The following CNTN5 variants were observed in gnomAD, a reference collection of about 807,000 sequenced individuals.
The protein encoded by CNTN5 is contactin 5, also known as contactin-5.
A neutral mutation model predicts 129.1 loss-of-function variants in CNTN5; 77 were observed. The ratio of observed to expected loss-of-function variants is 0.60; its 90% CI spans 0.50 to 0.72. CNTN5 has a LOEUF of 0.72. Ranked by LOEUF, CNTN5 falls within the 30% of genes least tolerant of loss-of-function variation. The pLI is 0.00. For missense variants in CNTN5, 1,478 were observed against 1,328.8 expected (o/e 1.11, Z -1.75); for synonymous variants, 509 against 465.6 (o/e 1.09, Z -1.20).
intron 1 of CNTN5, among the ~76,000 whole-genome samples, chr11:99,043,516 C>T (rs939378923): frequency 6.6e-6 from 1 of 151,984 alleles, no homozygotes; most frequent in Non-Finnish European, 1.5e-5. Flanking sequence ...ATATATAATG[C>T]CTTATAATTG....
chr11:99,938,883 A>G (rs533520913), intron 7 of CNTN5, among the ~76,000 whole-genome samples: 2 of 152,226 alleles, frequency 1.3e-5, no homozygotes, highest in Admixed American at 1.3e-4. Context: ...GATTTGAAAA[A>G]TTTTAAACTG....
chr11:99,598,351 TCTCTCTCTCTCTCTCTCTCTCTCC>T (rs1269772558), intron 3 of CNTN5, among the ~76,000 whole-genome samples: 4 of 46,430 alleles, frequency 8.6e-5, no homozygotes, highest in Admixed American at 3.2e-4. Context: ...TCTCTCTCTC[TCTCTCTCTCTCTCTCTCTCTCTCC>T]CTCTCTCTCT....
At chr11:100,161,523 G>C (rs977281163) in intron 13 of CNTN5, among the ~76,000 whole-genome samples, 6 of 151,720 alleles carry the variant, frequency 4.0e-5, no homozygotes, top group African/African-American at 1.5e-4. Flanking sequence ...ATTCTTACTA[G>C]TAAATGCATA....
At chr11:100,305,471 A>G (rs1489240957) in intron 20 of CNTN5, among the ~76,000 whole-genome samples, 1 of 151,624 alleles carries the variant, frequency 6.6e-6, no homozygotes, top group Non-Finnish European at 1.5e-5. Flanking sequence ...AGAAGCCAGA[A>G]ATTCTTATTT....
chr11:99,655,131 G>T (rs953237524), intron 3 of CNTN5, among the ~76,000 whole-genome samples: 1 of 151,986 alleles, frequency 6.6e-6, no homozygotes, highest in Non-Finnish European at 1.5e-5. Context: ...AGAATTTGGG[G>T]TCTTCAAAAA....
In CNTN5 at chr11:100,115,786, T is replaced by C. The variant is rs183713539; in HGVS notation, c.1580+41492T>C. 3.9e-5 allele frequency among the ~76,000 whole-genome samples: 6 copies of C among 152,202 alleles called. No individual in the cohort carries two copies. In the East Asian group the frequency reaches 1.2e-3, roughly 29 times the overall value. On this transcript the variant is annotated intron_variant, in intron 13 of 24. Transcript: ENST00000524871. ...ATATGCCTGATTGGAAATAATTATT[T>C]AAATGGAAAATTAGATATTGTTTTT...
intron 18 of CNTN5, among the ~76,000 whole-genome samples, chr11:100,283,669 G>T (rs1300561401): frequency 2.6e-5 from 4 of 152,166 alleles, no homozygotes; most frequent in African/African-American, 9.7e-5. Flanking sequence ...CTCCGGGCCG[G>T]GCGCTGTGGC....
intron 3 of CNTN5, among the ~76,000 whole-genome samples, chr11:99,615,501 C>A (rs1371412473): frequency 6.6e-6 from 1 of 152,088 alleles, no homozygotes; most frequent in Non-Finnish European, 1.5e-5. Flanking sequence ...AGTGATATCC[C>A]TTCTTCTGAT....
rs376184326 is a variant in CNTN5 at position 99,966,260 on chromosome 11, C to T, written c.877+9251C>T. ...AGAAATTGAATTTTACTTAATAACTCTCTCTTATAAAATGTATTATCTTAG... is the reference window on the plus strand; with the variant it reads ...AGAAATTGAATTTTACTTAATAACTTTCTCTTATAAAATGTATTATCTTAG... On this transcript the variant is annotated intron_variant, in intron 8 of 24. Coordinates refer to ENST00000524871, the MANE Select transcript of CNTN5 (RefSeq NM_014361.4). Among the ~76,000 whole-genome samples, 11 of 152,290 alleles carry T rather than the reference C, an allele frequency of 7.2e-5. No homozygotes were observed. In the East Asian group the frequency reaches 1.9e-3, roughly 27 times the overall value.
intron 13 of CNTN5, among the ~76,000 whole-genome samples, chr11:100,114,063 A>T (rs1945758714): frequency 6.6e-6 from 1 of 152,062 alleles, no homozygotes; most frequent in Non-Finnish European, 1.5e-5. Flanking sequence ...TTATTCTACC[A>T]CTAAGTGGTT....
intron 1 of CNTN5, among the ~76,000 whole-genome samples, chr11:99,249,098 G>A (rs978576193): frequency 6.6e-6 from 1 of 152,250 alleles, no homozygotes; most frequent in Non-Finnish European, 1.5e-5. Flanking sequence ...CTACCCATGA[G>A]CATGGAATGT....
intron 3 of CNTN5, among the ~76,000 whole-genome samples, chr11:99,724,168 T>C (rs7114649): frequency 0.63 from 95,398 of 151,980 alleles, 30,666 homozygotes; most frequent in East Asian, 0.84. Context: ...GCCTGGAGCA[T>C]GTTCCGTCTT....
rs767876726 is a variant in CNTN5, at chr11:99,350,092, A to G, written c.-71+24608A>G. Among the ~76,000 whole-genome samples, 59 of 152,114 alleles carry G rather than the reference A, an allele frequency of 3.9e-4. 2 individuals are homozygous for G. Among genetic ancestry groups the G allele is most frequent in the Non-Finnish European group, 6.8e-4 (46 of 68,006 alleles). ...GTTTACTTTGTGTGTTTTGATGGTG[A>G]GCTGTCTCCTAGTTATAATTAGGAG... On this transcript the variant is annotated intron_variant, in intron 2 of 24. Coordinates refer to ENST00000524871, the MANE Select transcript of CNTN5 (RefSeq NM_014361.4).
At chr11:99,495,799 G>C (rs1037369481) in intron 2 of CNTN5, among the ~76,000 whole-genome samples, 26 of 152,106 alleles carry the variant, frequency 1.7e-4, no homozygotes, top group African/African-American at 6.3e-4. Context: ...AAAATAATTA[G>C]AGAAGGGTTA....
At chr11:99,656,819 T>C (rs1039312913) in intron 3 of CNTN5, among the ~76,000 whole-genome samples, 2 of 152,220 alleles carry the variant, frequency 1.3e-5, no homozygotes, top group African/African-American at 4.8e-5. Context: ...AGGCAGCTTA[T>C]AAGCCTCTCT....
intron 3 of CNTN5, among the ~76,000 whole-genome samples, chr11:99,736,084 T>C (rs1943699809): frequency 6.6e-6 from 1 of 152,096 alleles, no homozygotes; most frequent in Admixed American, 6.6e-5. Flanking sequence ...CATATTTAAG[T>C]GCTGAAATTA....
At chr11:99,860,251 C>A (rs1258397835) in intron 6 of CNTN5, among the ~76,000 whole-genome samples, 1 of 152,016 alleles carries the variant, frequency 6.6e-6, no homozygotes, top group Non-Finnish European at 1.5e-5. Context: ...TTCTCTGACT[C>A]TGTAGGTTTT....
rs368720905 is a variant in CNTN5, at chr11:100,263,405, CAGA to C, written c.2164+7490_2164+7492del. Among the ~76,000 whole-genome samples, 219 of 152,122 alleles carry C rather than the reference CAGA, an allele frequency of 1.4e-3. 1 individual carries two copies. Among genetic ancestry groups the C allele is most frequent in the African/African-American group, 5.1e-3 (213 of 41,524 alleles). On this transcript the variant is annotated intron_variant, in intron 17 of 24. Transcript: ENST00000524871. The stretch of plus-strand genomic sequence containing the variant: ...GTTTTTGTATGAAACACTGTAATAT[CAGA>C]AGGAGAAAATTTGTTTATCTATATG...
intron 3 of CNTN5, among the ~76,000 whole-genome samples, chr11:99,577,260 C>A (rs1434781466): frequency 6.6e-6 from 1 of 152,146 alleles, no homozygotes; most frequent in East Asian, 1.9e-4. Context: ...TGTAGCTCTG[C>A]CTGCTTGTGT....
Sources: allele counts gnomAD v4.1 joint callset (sites outside exome capture counted in the v4.1 genomes callset), GRCh38; gene constraint gnomAD v4.1.1; transcripts MANE v1.5; gene names NCBI Gene and HGNC (gene_info 2026-07-23, HGNC 2026-07-21).